Variants in ACAA1 observed in about 807,000 individuals in gnomAD.
The protein encoded by ACAA1 is 3-ketoacyl-CoA thiolase, peroxisomal.
Under a neutral mutation model 48.8 loss-of-function variants are expected in ACAA1, and 44 were observed. The observed-to-expected ratio is 0.90, with a 90% CI of 0.71 to 1.16. The LOEUF (loss-of-function observed/expected upper bound fraction) is 1.16, where lower values mean the gene tolerates loss of function less well. Ranked by LOEUF, ACAA1 falls within the 50% of genes most tolerant of loss-of-function variation. ACAA1 has a pLI of 0.00. For synonymous variants in ACAA1, 233 were observed against 226.5 expected (o/e 1.03, Z -0.26); for missense variants, 512 against 562.3 (o/e 0.91, Z 0.90).
intron 6 of ACAA1, among the ~76,000 whole-genome samples, chr3:38,128,106 T>C (rs1279745517): frequency 6.6e-6 from 1 of 152,138 alleles, no homozygotes; most frequent in Non-Finnish European, 1.5e-5. Flanking sequence ...GAGAAGCTCA[T>C]ACACCAAAGA....
At chr3:38,131,474 C>A in intron 5 of ACAA1, 122 bp downstream of exon 5, 2 of 1,020,966 alleles carry the variant, frequency 2.0e-6, no homozygotes, top group Non-Finnish European at 3.0e-6. Flanking sequence ...AGAACCCACT[C>A]GTGGCCAGCT....
At position 38,126,683 on chromosome 3, in the gene ACAA1, C is replaced by T. The variant is rs1259234880; in HGVS notation, c.644G>A (p.Ser215Asn). 1.9e-6 allele frequency: 3 copies of T among 1,613,788 alleles called. No homozygotes were observed. Among genetic ancestry groups the T allele is most frequent in the Non-Finnish European group, 2.5e-6 (3 of 1,180,024 alleles). The change falls in exon 8 of 12, where the codon AGC becomes AAC. Residue 215 changes from serine (S) to asparagine (N), a missense_variant. Ser to Asn is a conservative substitution (Grantham distance 46). Transcript: ENST00000333167. The surrounding 1 kb of genome is among the most constrained non-coding windows in gnomAD (Gnocchi z 4.7). The part of the protein sequence containing the change: ...ASQQKAARAQ[S>N]KGCFQAEIVP... Reference sequence around the variant, plus strand: ...AATCTCAGCTTGGAAACAGCCCTTGCTCTGGGCTCTTGCTGCCCTGCCAGC... The same window carrying T: ...AATCTCAGCTTGGAAACAGCCCTTGTTCTGGGCTCTTGCTGCCCTGCCAGC...
At chr3:38,125,461 T>C in intron 11 of ACAA1, 104 bp downstream of exon 11, 1 of 1,386,590 alleles carries the variant, frequency 7.2e-7, no homozygotes, top group Non-Finnish European at 9.8e-7. Flanking sequence ...GGACTGTGTC[T>C]GTCGAGATTA....
At chr3:38,136,258 CAGTA>C (rs540568092) in intron 2 of ACAA1, among the ~76,000 whole-genome samples, 244 of 152,332 alleles carry the variant, frequency 1.6e-3, no homozygotes, top group Non-Finnish European at 2.9e-3. Flanking sequence ...TACACAGACA[CAGTA>C]ACAGTCTGAT....
In ACAA1 at chr3:38,126,219, G is replaced by C. The variant is rs765272869; in HGVS notation, c.940C>G (p.Pro314Ala). 6 of 1,614,200 alleles carry C rather than the reference G, an allele frequency of 3.7e-6. No homozygotes were observed. The Admixed American group carries it at 8.3e-5, about 22-fold the overall frequency. ...GCAGGTCCAATGCCCATGATGTCAG[G>C]TGGGACCCCAACCACTGCATAAGAC... ...LRSYAVVGVP[P>A]DIMGIGPAYA... Residue 314 changes from proline (P) to alanine (A), a missense_variant, in exon 9 of 12, where the codon CCT becomes GCT. Coordinates refer to ENST00000333167, the MANE Select transcript of ACAA1 (RefSeq NM_001607.4). This position sits in a 1 kb window ranked among gnomAD's most constrained non-coding sequence, Gnocchi z 4.7.
Position 38,123,094 on chromosome 3 carries a change from C to T in ACAA1, c.1228G>A (p.Gly410Arg), listed in dbSNP as rs148896847. The change falls in exon 12 of 12, where the codon GGG becomes AGG. Residue 410 changes from glycine to arginine, a missense_variant. Gly to Arg is a moderately radical substitution (Grantham distance 125). Coordinates refer to ENST00000333167, the MANE Select transcript of ACAA1 (RefSeq NM_001607.4). The part of the protein sequence containing the change: ...RAYGVVSMCI[G>R]TGMGAAAVFE... ...ACGGCAGCGGCTCCCATTCCAGTCCCGATGCACATGGACACCACTCCGTAT... is the reference window on the plus strand; with the variant it reads ...ACGGCAGCGGCTCCCATTCCAGTCCTGATGCACATGGACACCACTCCGTAT... 377 of 1,614,138 alleles carry T rather than the reference C, an allele frequency of 2.3e-4. No homozygotes were observed. The highest frequency in any genetic ancestry group is 1.8e-3 in the Admixed American group (108 of 60,010).
intron 11 of ACAA1, 109 bp downstream of exon 11, chr3:38,125,456 G>C: frequency 7.4e-7 from 1 of 1,359,088 alleles, no homozygotes; most frequent in Non-Finnish European, 1.0e-6. Context: ...GCTCAGGACT[G>C]TGTCTGTCGA....
chr3:38,123,437 C>A, intron 11 of ACAA1: 1 of 258,184 alleles, frequency 3.9e-6, no homozygotes, highest in South Asian at 1.0e-4. Context: ...ATCCCAAACA[C>A]AATCATCCCA....
At position 38,129,151 on chromosome 3, in the gene ACAA1, A is replaced by G; in HGVS notation, c.545+139T>C. 3 of 702,444 alleles carry G rather than the reference A, an allele frequency of 4.3e-6. No individual in the cohort carries two copies. The highest frequency in any genetic ancestry group is 1.8e-5 in the South Asian group (1 of 54,102). The allele number at this position is 702,444 out of a possible 1,614,324, so 43.5% of individuals were successfully genotyped here. On this transcript the variant is annotated intron_variant, in intron 6 of 11. Transcript: ENST00000333167. The surrounding 1 kb of genome is among the most constrained non-coding windows in gnomAD (Gnocchi z 5.3). ...AAGGGCAACATCAAGTCTCATCCCC[A>G]AAGTCCCTGCGGAGCAGACCATGCC...
chr3:38,123,176 A>T (rs571022459), intron 11 of ACAA1, 54 bp from the exon 12 acceptor site: 1 of 1,557,850 alleles, frequency 6.4e-7, no homozygotes, highest in Non-Finnish European at 8.9e-7. Flanking sequence ...AATTACCTCC[A>T]GACCAGGCTG....
intron 1 of ACAA1, 39 bp from the exon 2 acceptor site, chr3:38,136,724 C>T: frequency 1.3e-6 from 2 of 1,557,756 alleles, no homozygotes; most frequent in Non-Finnish European, 1.7e-6. Context: ...CCCCACTCCC[C>T]CATGCCCACC....
intron 2 of ACAA1, chr3:38,134,418 C>A: frequency 2.2e-6 from 1 of 448,116 alleles, no homozygotes; most frequent in Non-Finnish European, 4.4e-6. Flanking sequence ...GGATAAGACT[C>A]TTGCCATATC....
At chr3:38,131,101 G>T (rs1454599349) in intron 5 of ACAA1, among the ~76,000 whole-genome samples, 1 of 152,190 alleles carries the variant, frequency 6.6e-6, no homozygotes, top group Non-Finnish European at 1.5e-5. Context: ...AACCACCACA[G>T]ATCTAATTAT....
At chr3:38,123,482 G>A (rs1358334252) in intron 11 of ACAA1, 2 of 185,880 alleles carry the variant, frequency 1.1e-5, no homozygotes, top group Admixed American at 1.2e-4. Flanking sequence ...AATCCCTAAA[G>A]TCTAAAATCC....
At chr3:38,125,913 A>G (rs1370656066) in intron 9 of ACAA1, 32 bp from the exon 10 acceptor site, 1 of 1,613,876 alleles carries the variant, frequency 6.2e-7, no homozygotes, top group Non-Finnish European at 8.5e-7. Context: ...GAGCTGACAC[A>G]CTGGCCCTCT....
At chr3:38,124,505 G>A (rs1700632435) in intron 11 of ACAA1, 1 of 152,022 alleles carries the variant, frequency 6.6e-6, no homozygotes, top group South Asian at 2.1e-4. Flanking sequence ...TACTCAGGAG[G>A]CTGAGGTGGG....
chr3:38,122,815 G>T lies in ACAA1; in HGVS notation c.*232C>A. 1 of 921,462 alleles carries T rather than the reference G, an allele frequency of 1.1e-6. No homozygotes were observed. Among genetic ancestry groups the T allele is most frequent in the Non-Finnish European group, 1.6e-6 (1 of 636,350 alleles). 57.1% of individuals were successfully genotyped at this position (921,462 alleles called of 1,614,324 possible). A position where few individuals can be genotyped will look rare whatever the true frequency, so the allele number is the denominator to read the frequency against. ...CCTTGTGGCCTGGGTGACCCAGGCT[G>T]CTTTTATCTTGCACAGCTAAAGAGG... On this transcript the variant is annotated 3_prime_UTR_variant, in exon 12 of 12. Transcript: ENST00000333167.
intron 11 of ACAA1, chr3:38,124,757 G>A (rs1231613790): frequency 1.3e-5 from 2 of 152,150 alleles, no homozygotes; most frequent in African/African-American, 4.8e-5. Context: ...CATGCACAAG[G>A]CTTACAAAGT....
chr3:38,136,952 G>A lies in ACAA1; in HGVS notation c.84C>T (p.Ser28=), dbSNP rs768053072. ...CCGCGGCCGAGGCCTGCGGGGCACC[G>A]CTCAGGCAAGGCGCGGCCTGCGGCA... The part of the protein sequence containing the change: ...GWMPQAAPCL[S]GAPQASAADV... The change falls in exon 1 of 12, where the codon AGC becomes AGT. Residue 28 remains serine (S), a synonymous_variant. Coordinates refer to ENST00000333167, the MANE Select transcript of ACAA1 (RefSeq NM_001607.4). 2 of 1,547,944 alleles carry A rather than the reference G, an allele frequency of 1.3e-6. No homozygotes were observed. The highest frequency in any genetic ancestry group is 1.7e-6 in the Non-Finnish European group (2 of 1,148,848).
Sources: gnomAD v4.1 joint callset for allele counts (sites outside exome capture counted in the v4.1 genomes callset) on GRCh38, gnomAD v4.1.1 for gene constraint, Gnocchi (gnomAD v3.1) non-coding constraint, MANE v1.5 for transcripts, NCBI Gene and HGNC (gene_info 2026-07-23, HGNC 2026-07-21) for gene names.